Variants in LRP1B observed in about 807,000 individuals in gnomAD.
LRP1B encodes the protein LDL receptor related protein 1B.
A neutral mutation model predicts 556.6 loss-of-function variants in LRP1B; 217 were observed. That is an observed-to-expected ratio of 0.39 (90% CI 0.35 to 0.44). The LOEUF (loss-of-function observed/expected upper bound fraction) is 0.44, where lower values mean the gene tolerates loss of function less well. Among genes scored for constraint, LRP1B ranks in the 20% least tolerant of loss-of-function variants. The probability of loss-of-function intolerance (pLI) is 1.00; values close to 1 mark genes in which losing one functional copy is unlikely to be tolerated. For synonymous variants in LRP1B, 2,047 were observed against 1,865.8 expected, an observed-to-expected ratio of 1.10 and a Z score of -2.50; for missense variants, 5,053 against 5,620.8, an observed-to-expected ratio of 0.90 and a Z score of 3.23.
At chr2:141,491,466 T>G (rs559111958) in intron 2 of LRP1B, among the ~76,000 whole-genome samples, 35 of 150,548 alleles carry the variant, frequency 2.3e-4, no homozygotes, top group African/African-American at 8.4e-4. Context: ...TTTTTCCTCT[T>G]GTTCTTTGGG....
At chr2:141,246,607 G>A (rs1355569585) in intron 5 of LRP1B, among the ~76,000 whole-genome samples, 1 of 152,180 alleles carries the variant, frequency 6.6e-6, no homozygotes, top group Non-Finnish European at 1.5e-5. Flanking sequence ...TAGTCCAGGA[G>A]AGAGGATAGG....
chr2:140,248,511 C>T (rs551575451), intron 86 of LRP1B, among the ~76,000 whole-genome samples: 16 of 151,652 alleles, frequency 1.1e-4, no homozygotes, highest in South Asian at 8.3e-4. Context: ...TTCTATACAT[C>T]ATGTTTATTA....
chr2:141,553,712 AT>A (rs960092716), intron 2 of LRP1B, among the ~76,000 whole-genome samples: 74 of 101,750 alleles, frequency 7.3e-4, no homozygotes, highest in African/African-American at 2.3e-3. Context: ...ATAGATCTAT[AT>A]TTTTATATAT....
chr2:141,480,669 CAG>C (rs1682886097), intron 2 of LRP1B, 136 bp from the exon 3 acceptor site: 1 of 864,152 alleles, frequency 1.2e-6, no homozygotes, highest in Admixed American at 2.0e-5. Context: ...CTCTTGTTCT[CAG>C]AGACATTGAA....
At chr2:140,780,447 C>T (rs1465501738) in intron 32 of LRP1B, among the ~76,000 whole-genome samples, 1 of 152,134 alleles carries the variant, frequency 6.6e-6, no homozygotes, top group Non-Finnish European at 1.5e-5. Flanking sequence ...AGGCCAAAGC[C>T]CCTCACCATG....
intron 3 of LRP1B, among the ~76,000 whole-genome samples, chr2:141,364,733 G>A (rs554001882): frequency 8.2e-4 from 125 of 152,044 alleles, no homozygotes; most frequent in African/African-American, 2.7e-3. Context: ...TAGCATTTTC[G>A]TGCTCCTAAA....
At chr2:140,451,844 C>T (rs1018888528) in intron 62 of LRP1B, among the ~76,000 whole-genome samples, 6 of 150,658 alleles carry the variant, frequency 4.0e-5, no homozygotes, top group Admixed American at 4.0e-4. Flanking sequence ...TCCAGATTAC[C>T]TAAAAAAAAA....
chr2:141,033,648 A>G (rs1698443675), intron 11 of LRP1B, among the ~76,000 whole-genome samples: 1 of 151,976 alleles, frequency 6.6e-6, no homozygotes, highest in African/African-American at 2.4e-5. Context: ...CATGAGAGTA[A>G]CTGCCATGAT....
At chr2:140,994,528 C>T (rs1697187036) in intron 15 of LRP1B, among the ~76,000 whole-genome samples, 1 of 151,568 alleles carries the variant, frequency 6.6e-6, no homozygotes, top group Non-Finnish European at 1.5e-5. Context: ...ATGAATAAGT[C>T]TACAAATCCA....
At position 140,828,461 on chromosome 2, in the gene LRP1B, T is replaced by G. The variant is rs576921050; in HGVS notation, c.5209+11530A>C. On this transcript the variant is annotated intron_variant, in intron 31 of 90. Transcript: ENST00000389484. ...CGTCTCTACTAAAAATACAAAAAAT[T>G]AGCCGGGCGTGGTAGCGGGCGCCTG... Among the ~76,000 whole-genome samples, 13 of 147,306 alleles carry G rather than the reference T, an allele frequency of 8.8e-5. No individual in the cohort carries two copies. The South Asian group carries it at 2.2e-3, about 25-fold the overall frequency.
At chr2:141,633,325 A>T (rs951027908) in intron 2 of LRP1B, among the ~76,000 whole-genome samples, 3 of 152,162 alleles carry the variant, frequency 2.0e-5, no homozygotes, top group Non-Finnish European at 4.4e-5. Flanking sequence ...TATTCTGGTT[A>T]TAAGGAAAGA....
At chr2:140,961,603 G>A (rs1045237822) in intron 18 of LRP1B, among the ~76,000 whole-genome samples, 12 of 151,826 alleles carry the variant, frequency 7.9e-5, no homozygotes, top group Admixed American at 3.3e-4. Flanking sequence ...TTAGAAATTT[G>A]ACTATTTTTT....
intron 83 of LRP1B, among the ~76,000 whole-genome samples, chr2:140,303,562 T>C (rs1424870718): frequency 6.6e-6 from 1 of 152,092 alleles, no homozygotes; most frequent in Admixed American, 6.6e-5. Context: ...TAATAAACTC[T>C]TACAATTTAA....
chr2:141,087,332 G>A (rs547921291), intron 7 of LRP1B, among the ~76,000 whole-genome samples: 3 of 152,206 alleles, frequency 2.0e-5, no homozygotes, highest in African/African-American at 7.2e-5. Context: ...AATACATGGC[G>A]GTCCTACCAA....
chr2:141,356,516 G>A (rs1472742010), intron 3 of LRP1B, among the ~76,000 whole-genome samples: 4 of 150,284 alleles, frequency 2.7e-5, no homozygotes, highest in African/African-American at 7.3e-5. Flanking sequence ...GATGATTTGA[G>A]CATCGTTCTA....
At chr2:140,655,950 A>AG (rs1684866779) in intron 41 of LRP1B, among the ~76,000 whole-genome samples, 1 of 152,116 alleles carries the variant, frequency 6.6e-6, no homozygotes, top group Non-Finnish European at 1.5e-5. Flanking sequence ...CTCAAAAAAA[A>AG]CAAAAAAAGA....
At chr2:141,293,778 C>T (rs1686075136) in intron 3 of LRP1B, among the ~76,000 whole-genome samples, 1 of 151,892 alleles carries the variant, frequency 6.6e-6, no homozygotes, top group Non-Finnish European at 1.5e-5. Flanking sequence ...AAGTAATCAT[C>T]AATCTAAGAA....
At chr2:141,637,078 T>C (rs947734538) in intron 2 of LRP1B, among the ~76,000 whole-genome samples, 6 of 152,124 alleles carry the variant, frequency 3.9e-5, no homozygotes, top group Non-Finnish European at 5.9e-5. Flanking sequence ...TAAACACGTC[T>C]TTTTTTAAGG....
At chr2:140,812,134 T>C (rs969315751) in intron 32 of LRP1B, among the ~76,000 whole-genome samples, 4 of 152,160 alleles carry the variant, frequency 2.6e-5, no homozygotes, top group Non-Finnish European at 4.4e-5. Context: ...TGAAGTATTC[T>C]ATCACATATC....
Sources: gnomAD v4.1 joint callset for allele counts (sites outside exome capture counted in the v4.1 genomes callset) on GRCh38, gnomAD v4.1.1 for gene constraint, MANE v1.5 for transcripts, NCBI Gene and HGNC (gene_info 2026-07-23, HGNC 2026-07-21) for gene names.